Variants in ZNF423 observed in about 807,000 individuals in gnomAD.
The protein encoded by ZNF423 is Ebf-associated zinc finger protein.
ZNF423 carries 12 observed loss-of-function variants against 95.8 expected under a neutral mutation model. The observed-to-expected ratio is 0.13, with a 90% CI of 0.08 to 0.20. ZNF423 has a LOEUF of 0.20. Among genes scored for constraint, ZNF423 ranks in the 10% least tolerant of loss-of-function variants. The probability of loss-of-function intolerance (pLI) is 1.00; values close to 1 mark genes in which losing one functional copy is unlikely to be tolerated. For missense variants in ZNF423, 1,316 were observed against 1,737.1 expected, an observed-to-expected ratio of 0.76 and a Z score of 4.31; for synonymous variants, 749 against 711.9, an observed-to-expected ratio of 1.05 and a Z score of -0.83.
At chr16:49,532,713 A>G (rs1487615085) in intron 5 of ZNF423, among the ~76,000 whole-genome samples, 1 of 152,174 alleles carries the variant, frequency 6.6e-6, no homozygotes. Context: ...ACGGAGAATG[A>G]GCTCAACCTT....
chr16:49,741,506 C>CA (rs145131435), intron 2 of ZNF423, among the ~76,000 whole-genome samples: 48,387 of 147,904 alleles, frequency 0.33, 7,820 homozygotes, highest in Non-Finnish European at 0.34. Flanking sequence ...GACTCTGTCT[C>CA]AAAAAAAAAA....
At chr16:49,538,336 G>T (rs1969125554) in intron 5 of ZNF423, among the ~76,000 whole-genome samples, 1 of 152,324 alleles carries the variant, frequency 6.6e-6, no homozygotes, top group Middle Eastern at 3.4e-3. Flanking sequence ...TACAGCTCTG[G>T]CTGGCATCTT....
At chr16:49,506,764 TGATA>T (rs1309494836) in intron 7 of ZNF423, among the ~76,000 whole-genome samples, 1 of 150,178 alleles carries the variant, frequency 6.7e-6, no homozygotes, top group Admixed American at 6.6e-5. Flanking sequence ...AATGGGTAGG[TGATA>T]GATTGATAGA....
chr16:49,605,652 C>T (rs1424099712), intron 5 of ZNF423, among the ~76,000 whole-genome samples: 10 of 152,286 alleles, frequency 6.6e-5, no homozygotes, highest in African/African-American at 1.2e-4. Context: ...AATGAAGCCC[C>T]GGCCCTGCAC....
At chr16:49,502,642 C>T (rs1222537015) in intron 7 of ZNF423, among the ~76,000 whole-genome samples, 1 of 152,016 alleles carries the variant, frequency 6.6e-6, no homozygotes, top group Non-Finnish European at 1.5e-5. Context: ...TCCCTTCTAC[C>T]CTCCACAGTG....
upstream of ZNF423, among the ~76,000 whole-genome samples, chr16:49,856,953 GGGCAGC>G (rs2035378314): frequency 6.8e-6 from 1 of 146,388 alleles, no homozygotes; most frequent in African/African-American, 2.5e-5. Flanking sequence ...CCGTCCTCCT[GGGCAGC>G]GGCGGCGGCG....
intron 2 of ZNF423, among the ~76,000 whole-genome samples, chr16:49,769,500 C>T (rs933317496): frequency 1.3e-4 from 20 of 152,214 alleles, no homozygotes; most frequent in African/African-American, 3.4e-4. Context: ...TGGTCAGCCC[C>T]GACCATCTCT....
chr16:49,831,399 G>A (rs376011955), intron 1 of ZNF423, among the ~76,000 whole-genome samples: 15 of 152,296 alleles, frequency 9.8e-5, no homozygotes, highest in Admixed American at 8.5e-4. Context: ...AGGGTTAAGA[G>A]GGCAGATCAA....
Position 49,645,383 on chromosome 16 carries a change from A to G in ZNF423, c.302-6509T>C, listed in dbSNP as rs1370653504. ...AGCTAATTGGTAGTGGTTGCCTAGA[A>G]TCCTGTGTTCAGAAGGATTCCAAGG... On this transcript the variant is annotated intron_variant, in intron 3 of 7. Coordinates refer to ENST00000563137, the MANE Select transcript of ZNF423 (RefSeq NM_001379286.1). 7.2e-5 allele frequency among the ~76,000 whole-genome samples: 11 copies of G among 152,242 alleles called. No individual in the cohort carries two copies. The East Asian group carries it at 2.1e-3, about 29-fold the overall frequency.
intron 3 of ZNF423, among the ~76,000 whole-genome samples, chr16:49,646,357 C>T (rs900769477): frequency 4.6e-5 from 7 of 152,094 alleles, no homozygotes; most frequent in African/African-American, 1.7e-4. Context: ...ACCAGGGGTA[C>T]TTGCACACAC....
rs1196505132 is a variant in ZNF423 at position 49,637,468 on chromosome 16, C to A, written c.1708G>T (p.Val570Phe). 1.9e-6 allele frequency: 3 copies of A among 1,614,014 alleles called. No homozygotes were observed. Among genetic ancestry groups the A allele is most frequent in the Non-Finnish European group, 2.5e-6 (3 of 1,180,010 alleles). ...TTGGTGCAGTAGGGGCAGGAATAGA[C>A]CTCCATGAAGGACTGCGTGGGCTGC... Reference protein sequence around the residue: ...VVQPTQSFMEVYSCPYCTNSP... With the variant: ...VVQPTQSFMEFYSCPYCTNSP... Residue 570 changes from valine to phenylalanine, a missense_variant, in exon 4 of 8, where the codon GTC becomes TTC. Around this residue, in one of 6 missense-constraint regions of ZNF423, gnomAD observed 399 missense variants for 478.5 expected, o/e 0.83. Transcript: ENST00000563137. The surrounding 1 kb of genome is among the most constrained non-coding windows in gnomAD (Gnocchi z 5.6).
At chr16:49,749,860 T>C (rs1035339250) in intron 2 of ZNF423, among the ~76,000 whole-genome samples, 7 of 152,220 alleles carry the variant, frequency 4.6e-5, no homozygotes, top group Non-Finnish European at 1.0e-4. Flanking sequence ...GGGTTCACCC[T>C]GGGAGTCTTT....
chr16:49,638,725 A>C lies in ZNF423; in HGVS notation c.451T>G (p.Cys151Gly), dbSNP rs1248144483. 6.2e-7 allele frequency: 1 copy of C among 1,614,072 alleles called. No individual in the cohort carries two copies. The highest frequency in any genetic ancestry group is 8.5e-7 in the Non-Finnish European group (1 of 1,180,048). Residue 151 changes from cysteine (C) to glycine (G), a missense_variant, in exon 4 of 8, where the codon TGC becomes GGC. Coordinates refer to ENST00000563137, the MANE Select transcript of ZNF423 (RefSeq NM_001379286.1). This position sits in a 1 kb window ranked among gnomAD's most constrained non-coding sequence, Gnocchi z 5.6. Reference protein sequence around the residue: ...GTGLPYPCQFCDKSFIRLSYL... With the variant: ...GTGLPYPCQFGDKSFIRLSYL... Reference sequence around the variant, plus strand: ...CTCAAGCGGATGAAGGACTTGTCGCAGAACTGGCAAGGGTATGGCAGGCCC... The same window carrying C: ...CTCAAGCGGATGAAGGACTTGTCGCCGAACTGGCAAGGGTATGGCAGGCCC...
At chr16:49,626,300 GA>G in intron 4 of ZNF423, 46 bp from the exon 5 acceptor site, 2 of 1,596,654 alleles carry the variant, frequency 1.3e-6, no homozygotes, top group Non-Finnish European at 1.7e-6. Context: ...CAGGAGGTAG[GA>G]AAAAGGAGAA....
At chr16:49,606,977 A>G (rs1267496125) in intron 5 of ZNF423, among the ~76,000 whole-genome samples, 1 of 152,156 alleles carries the variant, frequency 6.6e-6, no homozygotes, top group Non-Finnish European at 1.5e-5. Flanking sequence ...CAGGAGCAGG[A>G]GACAGAGCCA....
intron 5 of ZNF423, among the ~76,000 whole-genome samples, chr16:49,553,262 C>T: frequency 6.6e-6 from 1 of 151,974 alleles, no homozygotes; most frequent in East Asian, 1.9e-4. Context: ...ATACTGAGTT[C>T]TAATAATTAC....
At chr16:49,761,035 C>T (rs1181525419) in intron 2 of ZNF423, among the ~76,000 whole-genome samples, 1 of 131,532 alleles carries the variant, frequency 7.6e-6, no homozygotes, top group African/African-American at 3.2e-5. Flanking sequence ...CGTACACACA[C>T]ATGCACACAC....
At chr16:49,518,485 A>G (rs1968247444) in intron 7 of ZNF423, 3 of 436,388 alleles carry the variant, frequency 6.9e-6, no homozygotes, top group East Asian at 7.1e-5. Context: ...GTCTGTCCCT[A>G]TCTCTGCATT....
At chr16:49,541,164 C>T (rs764071148) in intron 5 of ZNF423, among the ~76,000 whole-genome samples, 1 of 152,300 alleles carries the variant, frequency 6.6e-6, no homozygotes, top group Non-Finnish European at 1.5e-5. Flanking sequence ...AAGGATGGAC[C>T]ACCATCTCTC....
Sources: allele counts gnomAD v4.1 joint callset (sites outside exome capture counted in the v4.1 genomes callset), GRCh38; gene constraint gnomAD v4.1.1; regional missense constraint gnomAD v4.1.1; non-coding constraint Gnocchi (gnomAD v3.1); transcripts MANE v1.5; gene names NCBI Gene and HGNC (gene_info 2026-07-23, HGNC 2026-07-21).